The following CLPB variants were observed in gnomAD, a reference collection of about 807,000 sequenced individuals.
CLPB encodes the protein ClpB family mitochondrial disaggregase, also known as mitochondrial disaggregase.
CLPB carries 40 observed loss-of-function variants against 78.4 expected under a neutral mutation model. The ratio of observed to expected loss-of-function variants is 0.51; its 90% CI spans 0.40 to 0.66. The LOEUF is 0.66. Among genes scored for constraint, CLPB ranks in the 30% least tolerant of loss-of-function variants. The probability of loss-of-function intolerance (pLI) is 0.00; values close to 1 mark genes in which losing one functional copy is unlikely to be tolerated. For missense variants in CLPB, 780 were observed against 886.9 expected (o/e 0.88, Z 1.53); for synonymous variants, 333 against 348.0 (o/e 0.96, Z 0.48).
chr11:72,340,092 T>C (rs1950392006), intron 5 of CLPB, among the ~76,000 whole-genome samples: 1 of 152,152 alleles, frequency 6.6e-6, no homozygotes, highest in Non-Finnish European at 1.5e-5. Context: ...TACCCAAGTC[T>C]CCATTTCTTA....
chr11:72,401,031 T>C (rs1479526869), intron 3 of CLPB, among the ~76,000 whole-genome samples: 3 of 152,204 alleles, frequency 2.0e-5, no homozygotes, highest in African/African-American at 7.2e-5. Flanking sequence ...AAATAATTAA[T>C]TTCTGATGAA....
chr11:72,398,782 A>G (rs1019042933), intron 3 of CLPB, among the ~76,000 whole-genome samples: 3 of 152,232 alleles, frequency 2.0e-5, no homozygotes, highest in Non-Finnish European at 4.4e-5. Context: ...CCAGACCCCA[A>G]TGACTGTTCC....
intron 5 of CLPB, among the ~76,000 whole-genome samples, chr11:72,351,054 CAAG>C (rs1426966752): frequency 2.0e-5 from 3 of 152,138 alleles, no homozygotes; most frequent in African/African-American, 7.2e-5. Flanking sequence ...TGAATCCAAA[CAAG>C]AAGAAGAAAC....
In CLPB at chr11:72,433,488, C is replaced by T. The variant is rs559662757; in HGVS notation, c.403+584G>A. 4.6e-5 allele frequency among the ~76,000 whole-genome samples: 7 copies of T among 151,624 alleles called. No individual in the cohort carries two copies. In the South Asian group the frequency reaches 1.5e-3, roughly 32 times the overall value. ...CCGGGAGGCGGAGGTTGCAGTGGGC[C>T]GAGATTGCGCCACTGCACTCCAGCT... is the stretch of plus-strand genomic sequence containing the variant. On this transcript the variant is annotated intron_variant, in intron 1 of 15. Transcript: ENST00000538039.
chr11:72,413,852 C>T (rs1422461418), intron 2 of CLPB, among the ~76,000 whole-genome samples: 1 of 152,170 alleles, frequency 6.6e-6, no homozygotes, highest in African/African-American at 2.4e-5. Flanking sequence ...ATAAACTCTT[C>T]CTGAGGACTG....
At chr11:72,401,907 A>G (rs1038455421) in intron 3 of CLPB, among the ~76,000 whole-genome samples, 1 of 152,216 alleles carries the variant, frequency 6.6e-6, no homozygotes, top group Non-Finnish European at 1.5e-5. Flanking sequence ...ATGGAAAGGC[A>G]GCATCAGCAC....
chr11:72,385,205 T>C (rs1855039589), intron 3 of CLPB, among the ~76,000 whole-genome samples: 2 of 152,154 alleles, frequency 1.3e-5, no homozygotes, highest in Admixed American at 6.5e-5. Flanking sequence ...TTCCAAACCT[T>C]TGCAATTACA....
At chr11:72,417,111 T>C (rs1856048238) in intron 2 of CLPB, among the ~76,000 whole-genome samples, 1 of 152,174 alleles carries the variant, frequency 6.6e-6, no homozygotes, top group African/African-American at 2.4e-5. Flanking sequence ...CACATAGAAA[T>C]CTGTACACGA....
intron 3 of CLPB, among the ~76,000 whole-genome samples, chr11:72,400,220 G>C (rs183195822): frequency 1.1e-3 from 161 of 150,986 alleles, no homozygotes; most frequent in African/African-American, 3.9e-3. Flanking sequence ...GCAAACAGTA[G>C]GGGCCAAAAA....
At chr11:72,377,518 TA>T (rs1322379371) in intron 4 of CLPB, among the ~76,000 whole-genome samples, 1 of 152,212 alleles carries the variant, frequency 6.6e-6, no homozygotes, top group Non-Finnish European at 1.5e-5. Flanking sequence ...CCTTTTCAAA[TA>T]TTTTTGTTGT....
intron 5 of CLPB, among the ~76,000 whole-genome samples, chr11:72,358,165 T>A (rs1050434100): frequency 1.3e-5 from 2 of 152,202 alleles, no homozygotes; most frequent in Non-Finnish European, 2.9e-5. Flanking sequence ...GATGGCATGT[T>A]TTGTCTCTCC....
intron 2 of CLPB, among the ~76,000 whole-genome samples, chr11:72,428,265 C>T (rs1856445363): frequency 6.6e-6 from 1 of 152,170 alleles, no homozygotes. Flanking sequence ...ACAGAAACAG[C>T]CTCTTAACAG....
chr11:72,398,501 C>T (rs1168565290), intron 3 of CLPB, among the ~76,000 whole-genome samples: 3 of 152,112 alleles, frequency 2.0e-5, no homozygotes, highest in Non-Finnish European at 4.4e-5. Context: ...GAGGTTGTAA[C>T]ATCAAAGTGC....
rs544835918 is a variant in CLPB at position 72,331,185 on chromosome 11, C to T, written c.776-1381G>A. 4.5e-4 allele frequency among the ~76,000 whole-genome samples: 68 copies of T among 151,848 alleles called. 1 individual carries two copies. Among genetic ancestry groups the T allele is most frequent in the Admixed American group, 3.9e-3 (59 of 15,252 alleles). On this transcript the variant is annotated intron_variant, in intron 5 of 15. Coordinates refer to ENST00000538039, the MANE Select transcript of CLPB (RefSeq NM_001258392.3). The stretch of plus-strand genomic sequence containing the variant: ...TTTGGGAGGCCAAGGCAGGTGATCA[C>T]GAGGTCAGGAGATTGAGACCATCCT...
chr11:72,375,960 A>G (rs1045229461), intron 4 of CLPB, among the ~76,000 whole-genome samples: 1 of 152,202 alleles, frequency 6.6e-6, no homozygotes, highest in African/African-American at 2.4e-5. Context: ...AAAGCCACAA[A>G]CTACACCTTC....
At chr11:72,350,336 T>C (rs538084939) in intron 5 of CLPB, among the ~76,000 whole-genome samples, 139 of 152,316 alleles carry the variant, frequency 9.1e-4, no homozygotes, top group Non-Finnish European at 1.6e-3. Context: ...TCAAGCTAAA[T>C]GACAGGCTAA....
At chr11:72,329,897 G>A in intron 5 of CLPB, 93 bp from the exon 6 acceptor site, 1 of 913,474 alleles carries the variant, frequency 1.1e-6, no homozygotes, top group Non-Finnish European at 1.7e-6. Flanking sequence ...TGATTTCTAT[G>A]TTGGGAATGT....
intron 5 of CLPB, chr11:72,357,177 AG>A (rs1328034209): frequency 6.6e-6 from 1 of 152,266 alleles, no homozygotes; most frequent in Non-Finnish European, 1.5e-5. Context: ...TTGGGGATAC[AG>A]GCCAGGCCTG....
intron 2 of CLPB, among the ~76,000 whole-genome samples, chr11:72,404,543 CA>C (rs1855649704): frequency 6.6e-6 from 1 of 152,206 alleles, no homozygotes; most frequent in African/African-American, 2.4e-5. Context: ...GGAGACAGAA[CA>C]GAACTGCACA....
Sources: allele counts gnomAD v4.1 joint callset (sites outside exome capture counted in the v4.1 genomes callset), GRCh38; gene constraint gnomAD v4.1.1; transcripts MANE v1.5; gene names NCBI Gene and HGNC (gene_info 2026-07-23, HGNC 2026-07-21).